Variants in DYM observed in about 807,000 individuals in gnomAD.
The protein encoded by DYM is dyggve-Melchior-Clausen syndrome protein.
In DYM, 78 loss-of-function variants were observed where a neutral mutation model predicts 93.1. The observed-to-expected ratio is 0.84, with a 90% CI of 0.70 to 1.01. The LOEUF (loss-of-function observed/expected upper bound fraction) is 1.01. DYM is among the 50% of genes least tolerant of loss of function. The probability of loss-of-function intolerance (pLI) is 0.00; values close to 1 mark genes in which losing one functional copy is unlikely to be tolerated. For synonymous variants in DYM, 321 were observed against 319.7 expected, an observed-to-expected ratio of 1.00 and a Z score of -0.04; for missense variants, 789 against 845.0, an observed-to-expected ratio of 0.93 and a Z score of 0.82.
chr18:49,377,960 A>G (rs969458977), intron 5 of DYM, among the ~76,000 whole-genome samples: 1 of 152,222 alleles, frequency 6.6e-6, no homozygotes, highest in Non-Finnish European at 1.5e-5. Flanking sequence ...TCTATTTTGA[A>G]AACAGAACTC....
chr18:49,098,728 T>C lies in DYM; in HGVS notation c.1912-1213A>G, dbSNP rs77246739. On this transcript the variant is annotated intron_variant, in intron 16 of 17. Coordinates refer to ENST00000675505, the MANE Select transcript of DYM (RefSeq NM_001353214.3). ...TGCCTGTGGGCCTTGTTCTTCCCCA[T>C]GTCGGATTTTAAGTTCTTTTTGAGT... is the stretch of plus-strand genomic sequence containing the variant. Among the ~76,000 whole-genome samples the C allele has an allele frequency of 4.3e-4, 66 of 152,356 alleles. 1 individual carries two copies. In the East Asian group the frequency reaches 0.012, roughly 28 times the overall value.
At chr18:49,440,967 T>A (rs1372887411) in intron 1 of DYM, among the ~76,000 whole-genome samples, 1 of 2,008 alleles carries the variant, frequency 5.0e-4, no homozygotes, top group African/African-American at 1.1e-3. Context: ...TATATTATAT[T>A]TATATAATAT....
chr18:49,341,286 C>A (rs916489695), intron 6 of DYM, among the ~76,000 whole-genome samples: 2 of 151,900 alleles, frequency 1.3e-5, no homozygotes, highest in African/African-American at 4.8e-5. Context: ...GTCAGGAGAT[C>A]GAGACCATCC....
intron 6 of DYM, among the ~76,000 whole-genome samples, chr18:49,340,977 T>C (rs1367312116): frequency 6.6e-6 from 1 of 152,210 alleles, no homozygotes; most frequent in African/African-American, 2.4e-5. Context: ...TTGCCATATA[T>C]ACAGTCAACA....
At chr18:49,234,430 C>CT (rs1012335738) in intron 13 of DYM, among the ~76,000 whole-genome samples, 1 of 152,142 alleles carries the variant, frequency 6.6e-6, no homozygotes, top group Non-Finnish European at 1.5e-5. Flanking sequence ...ACACTCCAGC[C>CT]TGGGTAACAG....
At chr18:49,107,474 G>A (rs1474055105) in intron 16 of DYM, among the ~76,000 whole-genome samples, 1 of 152,216 alleles carries the variant, frequency 6.6e-6, no homozygotes, top group African/African-American at 2.4e-5. Context: ...TGGAGGAGGA[G>A]AGGCACTCTG....
At chr18:49,260,922 ACAG>A (rs1261186502) in intron 11 of DYM, among the ~76,000 whole-genome samples, 1 of 152,176 alleles carries the variant, frequency 6.6e-6, no homozygotes, top group Non-Finnish European at 1.5e-5. Context: ...CAACACAGTA[ACAG>A]CAGGACAAAT....
At position 49,232,152 on chromosome 18, in the gene DYM, G is replaced by A. The variant is rs953725754; in HGVS notation, c.1461-22437C>T. On this transcript the variant is annotated intron_variant, in intron 13 of 17. Transcript: ENST00000675505. ...AAGATCTTGTTTGAAAGACAGGTACGTTATGAAGTATTCTGCTTTATCCTA... is the reference window on the plus strand; with the variant it reads ...AAGATCTTGTTTGAAAGACAGGTACATTATGAAGTATTCTGCTTTATCCTA... Among the ~76,000 whole-genome samples the A allele has an allele frequency of 4.6e-5, 7 of 152,088 alleles. No homozygotes were observed. In the East Asian group the frequency reaches 7.7e-4, roughly 17 times the overall value.
At position 49,159,563 on chromosome 18, in the gene DYM, T is replaced by A. The variant is rs565916381; in HGVS notation, c.1728+4122A>T. Among the ~76,000 whole-genome samples, 6 of 152,332 alleles carry A rather than the reference T, an allele frequency of 3.9e-5. No homozygotes were observed. In the South Asian group the frequency reaches 1.0e-3, roughly 26 times the overall value. On this transcript the variant is annotated intron_variant, in intron 15 of 17. Coordinates refer to ENST00000675505, the MANE Select transcript of DYM (RefSeq NM_001353214.3). ...AAATAAATTTCATATGGATGGCTTT[T>A]ACTCTTTAGAAAGTTACAGTTTAGA...
chr18:49,218,615 T>C (rs1210742863), intron 13 of DYM, among the ~76,000 whole-genome samples: 3 of 151,864 alleles, frequency 2.0e-5, no homozygotes, highest in African/African-American at 4.8e-5. Context: ...TCAAAACCAC[T>C]CAACTACATG....
chr18:49,359,919 A>T (rs751859585), intron 6 of DYM: 5 of 152,232 alleles, frequency 3.3e-5, no homozygotes, highest in Non-Finnish European at 7.3e-5. Flanking sequence ...TGAAACATTT[A>T]AAGAGTAGTT....
rs1471003666 is a variant in DYM, at chr18:49,040,823, G to T, written c.*3232C>A. Among the ~76,000 whole-genome samples, 9 of 152,182 alleles carry T rather than the reference G, an allele frequency of 5.9e-5. No individual in the cohort carries two copies. Among genetic ancestry groups the T allele is most frequent in the Non-Finnish European group, 1.2e-4 (8 of 68,030 alleles). The stretch of plus-strand genomic sequence containing the variant: ...CTCTACCACCCAATGCAAAACCCTG[G>T]CTCCCGGAATCTAAAGGACGAAATG... On this transcript the variant is annotated 3_prime_UTR_variant, in exon 18 of 18. Transcript: ENST00000675505.
At chr18:49,328,900 AAAC>A (rs1568259482) in intron 8 of DYM, among the ~76,000 whole-genome samples, 2 of 152,196 alleles carry the variant, frequency 1.3e-5, no homozygotes, top group Non-Finnish European at 2.9e-5. Context: ...CTAGAACTAG[AAAC>A]AACATTTGAC....
At chr18:49,262,289 A>T (rs893045261) in intron 11 of DYM, among the ~76,000 whole-genome samples, 2 of 152,132 alleles carry the variant, frequency 1.3e-5, no homozygotes, top group African/African-American at 2.4e-5. Flanking sequence ...GACACAAGAA[A>T]GGGTCTTCCC....
chr18:49,225,541 TATAATA>T (rs965710680), intron 13 of DYM, among the ~76,000 whole-genome samples: 1 of 152,040 alleles, frequency 6.6e-6, no homozygotes, highest in African/African-American at 2.4e-5. Context: ...TAATAGAGAC[TATAATA>T]ATAATAATGA....
intron 2 of DYM, among the ~76,000 whole-genome samples, chr18:49,426,487 T>C (rs990316581): frequency 5.3e-5 from 8 of 151,694 alleles, no homozygotes; most frequent in Non-Finnish European, 7.4e-5. Flanking sequence ...ATGGCACACG[T>C]ATACATATGT....
intron 13 of DYM, among the ~76,000 whole-genome samples, chr18:49,217,539 G>A (rs1029377010): frequency 2.0e-5 from 3 of 152,212 alleles, no homozygotes; most frequent in Non-Finnish European, 4.4e-5. Flanking sequence ...AAGCCCATCA[G>A]ACTAACAGCG....
At chr18:49,250,255 A>G (rs965998402) in intron 13 of DYM, among the ~76,000 whole-genome samples, 4 of 152,272 alleles carry the variant, frequency 2.6e-5, no homozygotes, top group South Asian at 2.1e-4. Context: ...GAAATATAAA[A>G]TAAGTCTTTT....
chr18:49,240,670 C>T (rs1268643176), intron 13 of DYM, among the ~76,000 whole-genome samples: 1 of 152,168 alleles, frequency 6.6e-6, no homozygotes, highest in Non-Finnish European at 1.5e-5. Context: ...CCAACACTGG[C>T]AGTTTCCTCT....
Sources: gnomAD v4.1 joint callset for allele counts (sites outside exome capture counted in the v4.1 genomes callset) on GRCh38, gnomAD v4.1.1 for gene constraint, MANE v1.5 for transcripts, NCBI Gene and HGNC (gene_info 2026-07-23, HGNC 2026-07-21) for gene names.